HOOK3: variants seen among roughly 807,000 people sequenced by gnomAD.
HOOK3 encodes the protein protein Hook homolog 3.
Under a neutral mutation model 116.3 loss-of-function variants are expected in HOOK3, and 24 were observed. That is an observed-to-expected ratio of 0.21 (90% CI 0.15 to 0.29). HOOK3 has a LOEUF of 0.29. HOOK3 is among the 10% of genes least tolerant of loss of function. The pLI is 1.00. For missense variants in HOOK3, 632 were observed against 830.2 expected (o/e 0.76, Z 2.93); for synonymous variants, 275 against 283.0 (o/e 0.97, Z 0.28).
chr8:42,972,056 A>G (rs1808737261), intron 11 of HOOK3, among the ~76,000 whole-genome samples: 1 of 152,114 alleles, frequency 6.6e-6, no homozygotes, highest in South Asian at 2.1e-4. Flanking sequence ...GATAATTCCA[A>G]TCTGAAATCC....
chr8:42,943,295 C>T lies in HOOK3; in HGVS notation c.268-18C>T, dbSNP rs1379340137. 4 of 1,387,246 alleles carry T rather than the reference C, an allele frequency of 2.9e-6. No individual in the cohort carries two copies. The African/African-American group carries it at 4.4e-5, about 15-fold the overall frequency. The allele number at this position is 1,387,246 out of a possible 1,614,324, so 85.9% of individuals were successfully genotyped here. On this transcript the variant is annotated intron_variant, in intron 4 of 21. Transcript: ENST00000307602. Reference sequence around the variant, plus strand: ...ATATAAATGTAAATGCAATTATAATCCTTTTATCTCCATTCAGATTTTAGG... The same window carrying T: ...ATATAAATGTAAATGCAATTATAATTCTTTTATCTCCATTCAGATTTTAGG...
intron 2 of HOOK3, among the ~76,000 whole-genome samples, chr8:42,912,736 G>A (rs13273989): frequency 0.047 from 7,176 of 152,198 alleles, 228 homozygotes; most frequent in South Asian, 0.081. Context: ...TGTTACAATA[G>A]ATAAACCAGC....
At position 42,990,325 on chromosome 8, in the gene HOOK3, C is replaced by CTTTTTTTTTTT. The variant is rs59033055; in HGVS notation, c.1532+3557_1532+3567dup. On this transcript the variant is annotated intron_variant, in intron 15 of 21. Coordinates refer to ENST00000307602, the MANE Select transcript of HOOK3 (RefSeq NM_032410.4). ...TTGAGAAATAAATATCTGTTTAGAT[C>CTTTTTTTTTTT]TTTTTTTTTTTTTTTTTTTTTTTTT... Among the ~76,000 whole-genome samples the CTTTTTTTTTTT allele has an allele frequency of 4.5e-4, 17 of 37,902 alleles. 5 individuals are homozygous for CTTTTTTTTTTT. Among genetic ancestry groups the CTTTTTTTTTTT allele is most frequent in the East Asian group, 1.7e-3 (2 of 1,204 alleles). The allele number at this position is 37,902 out of a possible 152,430, so 24.9% of individuals were successfully genotyped here. A position where few individuals can be genotyped will look rare whatever the true frequency, so the allele number is the denominator to read the frequency against.
intron 5 of HOOK3, among the ~76,000 whole-genome samples, chr8:42,944,190 G>A (rs13249741): frequency 0.047 from 7,165 of 152,066 alleles, 225 homozygotes; most frequent in South Asian, 0.081. Context: ...CACGGTGGGC[G>A]GATCACTTGA....
intron 10 of HOOK3, among the ~76,000 whole-genome samples, chr8:42,967,532 G>A (rs1162903912): frequency 3.3e-5 from 5 of 152,060 alleles, no homozygotes; most frequent in African/African-American, 1.2e-4. Flanking sequence ...CATTTCTTTT[G>A]CCTTTTGAAT....
chr8:42,928,521 AC>A (rs1807814069), intron 3 of HOOK3, among the ~76,000 whole-genome samples: 1 of 152,176 alleles, frequency 6.6e-6, no homozygotes, highest in Non-Finnish European at 1.5e-5. Flanking sequence ...AAATAATGCT[AC>A]TGATCATTTT....
intron 4 of HOOK3, among the ~76,000 whole-genome samples, chr8:42,937,353 T>TG (rs1491167985): frequency 1.8e-3 from 142 of 79,424 alleles, no homozygotes; most frequent in African/African-American, 0.014. Flanking sequence ...GATTCATTGA[T>TG]TTTTTTTTTT....
chr8:43,025,393 T>C lies in HOOK3; in HGVS notation c.*6895T>C. The C allele has an allele frequency of 4.7e-6, 1 of 213,410 alleles. No individual in the cohort carries two copies. Among genetic ancestry groups the C allele is most frequent in the East Asian group, 7.0e-5 (1 of 14,194 alleles). The allele number at this position is 213,410 out of a possible 1,614,324, so 13.2% of individuals were successfully genotyped here. ...TGGAGTGGATCATTGGGATAAGAAA[T>C]AGCCTAATTATAAACAAATATGCAG... On this transcript the variant is annotated 3_prime_UTR_variant, in exon 22 of 22. Transcript: ENST00000307602.
In HOOK3 at chr8:42,943,327, AATT is replaced by A; in HGVS notation, c.284_286del (p.Ile95del). The stretch of plus-strand genomic sequence containing the variant: ...TCTCCATTCAGATTTTAGGACAGCA[AATT>A]AATGACTTTACCCTTCCTGATGTGA... On this transcript the variant is annotated inframe_deletion, in exon 5 of 22. Transcript: ENST00000307602. The A allele has an allele frequency of 6.7e-7, 1 of 1,500,918 alleles. No individual in the cohort carries two copies. Among genetic ancestry groups the A allele is most frequent in the Non-Finnish European group, 8.9e-7 (1 of 1,120,448 alleles). 93.0% of individuals were successfully genotyped at this position (1,500,918 alleles called of 1,614,324 possible).
chr8:42,898,955 C>T (rs1200031889), intron 1 of HOOK3, among the ~76,000 whole-genome samples: 1 of 152,120 alleles, frequency 6.6e-6, no homozygotes, highest in Non-Finnish European at 1.5e-5. Context: ...ATATCTAATG[C>T]AATTTATTGA....
rs1348469596 is a variant in HOOK3, at chr8:42,924,806, C to G, written c.144-751C>G. Among the ~76,000 whole-genome samples the G allele has an allele frequency of 2.6e-5, 4 of 151,928 alleles. No individual in the cohort carries two copies. In the East Asian group the frequency reaches 7.8e-4, roughly 30 times the overall value. ...TGGCCAACATGGTGAAACCACGTCT[C>G]TACTAAAAATAGAAAAATTATCCAG... On this transcript the variant is annotated intron_variant, in intron 2 of 21. Coordinates refer to ENST00000307602, the MANE Select transcript of HOOK3 (RefSeq NM_032410.4).
rs117995938 is a variant in HOOK3 at position 42,931,125 on chromosome 8, C to T, written c.267+953C>T. 9.4e-3 allele frequency among the ~76,000 whole-genome samples: 1,439 copies of T among 152,330 alleles called. 7 individuals carry two copies. The highest frequency in any genetic ancestry group is 0.014 in the Non-Finnish European group (934 of 68,034). On this transcript the variant is annotated intron_variant, in intron 4 of 21. Coordinates refer to ENST00000307602, the MANE Select transcript of HOOK3 (RefSeq NM_032410.4). Reference sequence around the variant, plus strand: ...GGAGCCACATTCTCTGCTTCTGTGCCTGAAATCTGCTAAGTCCTTTTCTTC... The same window carrying T: ...GGAGCCACATTCTCTGCTTCTGTGCTTGAAATCTGCTAAGTCCTTTTCTTC...
At chr8:42,961,941 C>T (rs1808541266) in intron 8 of HOOK3, among the ~76,000 whole-genome samples, 1 of 152,072 alleles carries the variant, frequency 6.6e-6, no homozygotes. Flanking sequence ...CGCATGCCAC[C>T]ACACCCAGCT....
chr8:42,899,439 C>CT (rs1296626132), intron 1 of HOOK3, among the ~76,000 whole-genome samples: 1 of 152,186 alleles, frequency 6.6e-6, no homozygotes, highest in Non-Finnish European at 1.5e-5. Context: ...TTTGGAAACA[C>CT]TTTAAAAGAC....
intron 9 of HOOK3, among the ~76,000 whole-genome samples, chr8:42,965,087 C>T (rs1022262516): frequency 2.0e-5 from 3 of 152,286 alleles, no homozygotes; most frequent in Non-Finnish European, 1.5e-5. Flanking sequence ...CAAGAAAGAC[C>T]GAGGAAGAAC....
At chr8:42,958,912 A>G (rs141546007) in intron 7 of HOOK3, among the ~76,000 whole-genome samples, 3 of 152,308 alleles carry the variant, frequency 2.0e-5, no homozygotes, top group Admixed American at 6.5e-5. Context: ...ATATTTTATG[A>G]AGGTAAAATT....
At chr8:42,968,654 A>G (rs1337122776) in intron 11 of HOOK3, among the ~76,000 whole-genome samples, 1 of 152,112 alleles carries the variant, frequency 6.6e-6, no homozygotes, top group Non-Finnish European at 1.5e-5. Context: ...GTATTTATTT[A>G]TATTTATCTA....
chr8:42,961,911 C>T (rs1034995749), intron 8 of HOOK3, among the ~76,000 whole-genome samples: 12 of 152,240 alleles, frequency 7.9e-5, no homozygotes, highest in Admixed American at 3.9e-4. Context: ...CTCATCCTCC[C>T]GAGTAGCAGG....
intron 1 of HOOK3, among the ~76,000 whole-genome samples, chr8:42,900,525 A>G (rs1807164683): frequency 3.9e-5 from 6 of 152,178 alleles, no homozygotes; most frequent in Admixed American, 3.9e-4. Flanking sequence ...AGTATATAGA[A>G]TTGGGGGTGG....
Sources: allele counts gnomAD v4.1 joint callset (sites outside exome capture counted in the v4.1 genomes callset), GRCh38; gene constraint gnomAD v4.1.1; transcripts MANE v1.5; gene names NCBI Gene and HGNC (gene_info 2026-07-23, HGNC 2026-07-21).